SPAG16: variants seen among roughly 807,000 people sequenced by gnomAD.
SPAG16 encodes sperm associated antigen 16.
Under a neutral mutation model 80.4 loss-of-function variants are expected in SPAG16, and 86 were observed. The ratio of observed to expected loss-of-function variants is 1.07; its 90% CI spans 0.90 to 1.28. The LOEUF is 1.28. Ranked by LOEUF, SPAG16 falls within the 50% of genes most tolerant of loss-of-function variation. The pLI is 0.00. For missense variants in SPAG16, 870 were observed against 765.3 expected (o/e 1.14, Z -1.61); for synonymous variants, 294 against 265.9 (o/e 1.11, Z -1.03).
chr2:213,631,371 T>C (rs192029172), intron 10 of SPAG16, among the ~76,000 whole-genome samples: 1 of 152,318 alleles, frequency 6.6e-6, no homozygotes, highest in Non-Finnish European at 1.5e-5. Flanking sequence ...TGTATTATGT[T>C]CCATTGACCA....
chr2:214,278,272 C>T (rs1692629037), intron 15 of SPAG16, among the ~76,000 whole-genome samples: 2 of 152,176 alleles, frequency 1.3e-5, no homozygotes, highest in African/African-American at 2.4e-5. Context: ...TGGCACTTCC[C>T]GGGTGAGGTG....
At chr2:213,313,646 G>T (rs900097179) in intron 4 of SPAG16, among the ~76,000 whole-genome samples, 3 of 151,678 alleles carry the variant, frequency 2.0e-5, no homozygotes, top group African/African-American at 2.4e-5. Flanking sequence ...ATTAATAAAG[G>T]TGCCTTTTGG....
At chr2:213,633,077 A>G (rs2062218452) in intron 10 of SPAG16, among the ~76,000 whole-genome samples, 2 of 152,152 alleles carry the variant, frequency 1.3e-5, no homozygotes, top group Admixed American at 1.3e-4. Context: ...GGTAGAATTC[A>G]GCAGTGAAGC....
At chr2:213,638,021 T>G (rs2062437248) in intron 10 of SPAG16, among the ~76,000 whole-genome samples, 1 of 152,222 alleles carries the variant, frequency 6.6e-6, no homozygotes, top group Non-Finnish European at 1.5e-5. Flanking sequence ...CCTCCCAGAG[T>G]GCTGGGATTA....
intron 15 of SPAG16, among the ~76,000 whole-genome samples, chr2:214,161,392 T>A (rs2056430364): frequency 6.6e-6 from 1 of 152,166 alleles, no homozygotes; most frequent in African/African-American, 2.4e-5. Flanking sequence ...TCTTCCACAA[T>A]GGTTGAACTT....
At chr2:213,834,423 G>A (rs930990493) in intron 10 of SPAG16, among the ~76,000 whole-genome samples, 9 of 152,198 alleles carry the variant, frequency 5.9e-5, no homozygotes, top group Non-Finnish European at 1.2e-4. Flanking sequence ...ATTAAACAAA[G>A]AGGGTATGAT....
intron 9 of SPAG16, among the ~76,000 whole-genome samples, chr2:213,406,256 C>G (rs1323233187): frequency 6.6e-6 from 1 of 152,060 alleles, no homozygotes. Flanking sequence ...CTTTACTCAT[C>G]AGAAATTTGC....
chr2:213,490,156 T>C (rs2074177517), intron 10 of SPAG16, 66 bp downstream of exon 10: 1 of 1,424,946 alleles, frequency 7.0e-7, no homozygotes. Context: ...TTTAATGCTC[T>C]TACAGCCATT....
chr2:214,183,782 C>T lies in SPAG16; in HGVS notation c.1720+34516C>T, dbSNP rs147285226. ...GCAGTGAGAGCCTGCTTGTCTTTTC[C>T]TCAAATGTGCTTTTATGAAGACCAA... On this transcript the variant is annotated intron_variant, in intron 15 of 15. Transcript: ENST00000331683. 4.1e-3 allele frequency among the ~76,000 whole-genome samples: 626 copies of T among 152,040 alleles called. 3 individuals carry two copies. Among genetic ancestry groups the T allele is most frequent in the African/African-American group, 0.014 (581 of 41,508 alleles).
chr2:214,379,661 A>G (rs1323992958), intron 15 of SPAG16, among the ~76,000 whole-genome samples: 1 of 152,226 alleles, frequency 6.6e-6, no homozygotes, highest in East Asian at 1.9e-4. Flanking sequence ...CTAGTTCCAG[A>G]AGAAAGCAAG....
chr2:213,453,352 C>T (rs1282083529), intron 9 of SPAG16, among the ~76,000 whole-genome samples: 1 of 152,140 alleles, frequency 6.6e-6, no homozygotes, highest in African/African-American at 2.4e-5. Context: ...GATTTGAAAT[C>T]AGAGCTGACT....
intron 8 of SPAG16, among the ~76,000 whole-genome samples, chr2:213,368,950 G>C (rs963744777): frequency 2.0e-5 from 3 of 152,146 alleles, no homozygotes; most frequent in African/African-American, 7.2e-5. Context: ...CATGCTCATG[G>C]ATAGGAAGAA....
intron 9 of SPAG16, among the ~76,000 whole-genome samples, chr2:213,489,348 A>T (rs1052526760): frequency 1.3e-5 from 2 of 152,060 alleles, no homozygotes; most frequent in Admixed American, 1.3e-4. Context: ...ATGCTCTTTG[A>T]TCTGTAGCTA....
chr2:214,343,461 T>C (rs1434373252), intron 15 of SPAG16, among the ~76,000 whole-genome samples: 1 of 152,050 alleles, frequency 6.6e-6, no homozygotes, highest in Non-Finnish European at 1.5e-5. Flanking sequence ...TAGGAACTGA[T>C]AGAAAAAAAA....
At chr2:213,764,474 A>T (rs2556297) in intron 10 of SPAG16, among the ~76,000 whole-genome samples, 8,878 of 152,212 alleles carry the variant, frequency 0.058, 359 homozygotes, top group African/African-American at 0.12. Context: ...GTGTCCTTGG[A>T]CTTACATTTT....
chr2:214,146,807 T>C (rs1321204027), intron 14 of SPAG16, among the ~76,000 whole-genome samples: 1 of 152,122 alleles, frequency 6.6e-6, no homozygotes. Context: ...AAGACCATCC[T>C]GGCTAACACA....
At chr2:213,416,043 A>C (rs1177739949) in intron 9 of SPAG16, among the ~76,000 whole-genome samples, 1 of 152,250 alleles carries the variant, frequency 6.6e-6, no homozygotes, top group African/African-American at 2.4e-5. Flanking sequence ...GAATCAGTAG[A>C]AGGCCAGAAG....
chr2:214,361,013 T>C (rs1266162790), intron 15 of SPAG16, among the ~76,000 whole-genome samples: 4 of 151,796 alleles, frequency 2.6e-5, no homozygotes, highest in African/African-American at 7.2e-5. Context: ...AACTCTAGTC[T>C]TCCTTCTTGC....
chr2:213,648,334 G>A (rs1364619820), intron 10 of SPAG16, among the ~76,000 whole-genome samples: 1 of 152,150 alleles, frequency 6.6e-6, no homozygotes, highest in African/African-American at 2.4e-5. Flanking sequence ...TAGCACAGAT[G>A]TAGAAAGCTT....
Sources: gnomAD v4.1 joint callset for allele counts (sites outside exome capture counted in the v4.1 genomes callset) on GRCh38, gnomAD v4.1.1 for gene constraint, MANE v1.5 for transcripts, NCBI Gene and HGNC (gene_info 2026-07-23, HGNC 2026-07-21) for gene names.